The following ZNF536 variants were observed in gnomAD, a reference collection of about 807,000 sequenced individuals.
ZNF536 encodes the protein zinc finger protein 536.
Under a neutral mutation model 84.5 loss-of-function variants are expected in ZNF536, and 13 were observed. The observed-to-expected ratio is 0.15, with a 90% CI of 0.10 to 0.24. The LOEUF is 0.24. Among genes scored for constraint, ZNF536 ranks in the 10% least tolerant of loss-of-function variants. ZNF536 has a pLI of 1.00. For synonymous variants in ZNF536, 811 were observed against 742.5 expected, an observed-to-expected ratio of 1.09 and a Z score of -1.50; for missense variants, 1,536 against 1,747.5, an observed-to-expected ratio of 0.88 and a Z score of 2.16.
chr19:30,621,007 C>G (rs546349284), intron 1 of ZNF536, among the ~76,000 whole-genome samples: 12 of 152,006 alleles, frequency 7.9e-5, no homozygotes, highest in African/African-American at 2.7e-4. Context: ...CAAGAGTATT[C>G]TTTAGATACA....
At chr19:30,317,595 G>A (rs967573464) in intron 2 of ZNF536, among the ~76,000 whole-genome samples, 2 of 152,334 alleles carry the variant, frequency 1.3e-5, no homozygotes, top group Admixed American at 6.5e-5. Context: ...CAGCCCTCAC[G>A]GAGGTTGCTG....
At chr19:30,527,104 A>C (rs531973546) in intron 2 of ZNF536, among the ~76,000 whole-genome samples, 2 of 150,748 alleles carry the variant, frequency 1.3e-5, no homozygotes, top group African/African-American at 4.9e-5. Context: ...TTCTTAGTAG[A>C]GATGGGGTTT....
intron 1 of ZNF536, among the ~76,000 whole-genome samples, chr19:30,268,995 T>C (rs2025672379): frequency 1.3e-5 from 2 of 152,226 alleles, no homozygotes; most frequent in Admixed American, 6.5e-5. Flanking sequence ...GAAAACACTT[T>C]GGAAAAACAA....
chr19:30,576,637 A>G (rs1330649627), intron 1 of ZNF536, among the ~76,000 whole-genome samples: 1 of 152,184 alleles, frequency 6.6e-6, no homozygotes, highest in African/African-American at 2.4e-5. Context: ...ACCCACTGCC[A>G]TGCACCATCC....
chr19:30,423,139 AT>A (rs1363541353), intron 1 of ZNF536, among the ~76,000 whole-genome samples: 1 of 139,338 alleles, frequency 7.2e-6, no homozygotes, highest in East Asian at 2.2e-4. Flanking sequence ...CCATCCATCC[AT>A]CCATCCATCC....
intron 1 of ZNF536, among the ~76,000 whole-genome samples, chr19:30,574,846 C>T (rs2046674196): frequency 6.6e-6 from 1 of 152,204 alleles, no homozygotes; most frequent in African/African-American, 2.4e-5. Flanking sequence ...GTTTTTCCCT[C>T]CTGACTTCTG....
At chr19:30,527,138 C>G (rs758939137) in intron 2 of ZNF536, among the ~76,000 whole-genome samples, 3 of 150,068 alleles carry the variant, frequency 2.0e-5, no homozygotes, top group Non-Finnish European at 4.4e-5. Flanking sequence ...AGGTTGGTCT[C>G]GAACTCCTGA....
intron 1 of ZNF536, among the ~76,000 whole-genome samples, chr19:30,374,853 A>T (rs867211483): frequency 1.0e-3 from 157 of 150,862 alleles, no homozygotes; most frequent in African/African-American, 3.6e-3. Context: ...GGGGGAGCGG[A>T]GACTGGCCCC....
chr19:30,393,140 C>T (rs187663419), intron 1 of ZNF536, among the ~76,000 whole-genome samples: 74 of 152,278 alleles, frequency 4.9e-4, no homozygotes, highest in African/African-American at 1.7e-3. Flanking sequence ...TTTATTCGTC[C>T]ATCCACTCAT....
At chr19:30,699,786 G>A (rs2051820528) in intron 1 of ZNF536, among the ~76,000 whole-genome samples, 1 of 152,152 alleles carries the variant, frequency 6.6e-6, no homozygotes, top group Non-Finnish European at 1.5e-5. Flanking sequence ...CAGGGTCAAA[G>A]TGGTAAATAT....
intron 1 of ZNF536, among the ~76,000 whole-genome samples, chr19:30,699,758 C>A (rs1402068886): frequency 6.6e-6 from 1 of 152,088 alleles, no homozygotes; most frequent in African/African-American, 2.4e-5. Flanking sequence ...GGGCTGGCAT[C>A]CTCCCATTTT....
intron 2 of ZNF536, among the ~76,000 whole-genome samples, chr19:30,325,939 TC>T (rs1177190645): frequency 6.6e-6 from 1 of 152,106 alleles, no homozygotes; most frequent in African/African-American, 2.4e-5. Flanking sequence ...GTGGAGCCCC[TC>T]CCACACCCGC....
At chr19:30,643,369 G>A (rs2147358975) in intron 1 of ZNF536, among the ~76,000 whole-genome samples, 1 of 152,340 alleles carries the variant, frequency 6.6e-6, no homozygotes, top group Non-Finnish European at 1.5e-5. Context: ...GATTTGGAAA[G>A]AGTCCCATGA....
chr19:30,229,364 C>T (rs995564100), intron 1 of ZNF536, among the ~76,000 whole-genome samples: 1 of 151,944 alleles, frequency 6.6e-6, no homozygotes, highest in Non-Finnish European at 1.5e-5. Context: ...AAATACCAAC[C>T]CTTGCCTGAT....
At chr19:30,486,899 G>A (rs1478513601) in intron 2 of ZNF536, among the ~76,000 whole-genome samples, 1 of 152,168 alleles carries the variant, frequency 6.6e-6, no homozygotes, top group Non-Finnish European at 1.5e-5. Context: ...ATTCACCTAA[G>A]GAGGGAATAA....
At chr19:30,691,934 C>T (rs1361785250) in intron 1 of ZNF536, among the ~76,000 whole-genome samples, 1 of 152,214 alleles carries the variant, frequency 6.6e-6, no homozygotes, top group Non-Finnish European at 1.5e-5. Context: ...CCTAGCATCA[C>T]CCCTGCCTGC....
chr19:30,621,315 T>A (rs1012687782), intron 1 of ZNF536, among the ~76,000 whole-genome samples: 1 of 152,074 alleles, frequency 6.6e-6, no homozygotes, highest in Middle Eastern at 3.2e-3. Context: ...GCTTCGAAGG[T>A]CTTTCTGGAA....
chr19:30,267,882 CAGAG>C (rs2025597237), intron 1 of ZNF536, among the ~76,000 whole-genome samples: 1 of 151,356 alleles, frequency 6.6e-6, no homozygotes, highest in African/African-American at 2.4e-5. Flanking sequence ...GTGTGTGTGA[CAGAG>C]ACACACACAC....
intron 1 of ZNF536, among the ~76,000 whole-genome samples, chr19:30,700,275 T>A (rs2051880796): frequency 6.7e-6 from 1 of 149,806 alleles, no homozygotes; most frequent in Non-Finnish European, 1.5e-5. Context: ...TCTCTTTGTG[T>A]CTTTCTTTCT....
Sources: gnomAD v4.1 joint callset for allele counts (sites outside exome capture counted in the v4.1 genomes callset) on GRCh38, gnomAD v4.1.1 for gene constraint, MANE v1.5 for transcripts, NCBI Gene and HGNC (gene_info 2026-07-23, HGNC 2026-07-21) for gene names.